Variants in ANO3 observed in about 807,000 individuals in gnomAD.
ANO3 encodes the protein anoctamin 3.
Under a neutral mutation model 144.8 loss-of-function variants are expected in ANO3, and 99 were observed. The ratio of observed to expected loss-of-function variants is 0.68; its 90% CI spans 0.58 to 0.81. The LOEUF is 0.81. Among genes scored for constraint, ANO3 ranks in the 30% least tolerant of loss-of-function variants. The probability of loss-of-function intolerance (pLI) is 0.00; values close to 1 mark genes in which losing one functional copy is unlikely to be tolerated. For synonymous variants in ANO3, 414 were observed against 392.6 expected (o/e 1.05, Z -0.64); for missense variants, 905 against 1,202.2 (o/e 0.75, Z 3.66).
intron 18 of ANO3, among the ~76,000 whole-genome samples, chr11:26,629,752 C>T (rs924931620): frequency 6.6e-6 from 1 of 152,166 alleles, no homozygotes; most frequent in Non-Finnish European, 1.5e-5. Flanking sequence ...TTGCCTCAGC[C>T]TCCCGAGTAG....
intron 14 of ANO3, among the ~76,000 whole-genome samples, chr11:26,583,784 T>C (rs12295638): frequency 0.11 from 16,195 of 152,158 alleles, 1,038 homozygotes; most frequent in East Asian, 0.34. Flanking sequence ...AAAATAAACC[T>C]GGGGAATGGA....
At chr11:26,367,597 G>T (rs1005452453) in intron 1 of ANO3, among the ~76,000 whole-genome samples, 1 of 151,982 alleles carries the variant, frequency 6.6e-6, no homozygotes, top group Non-Finnish European at 1.5e-5. Context: ...TTATATTAAT[G>T]CCCAACTCCT....
chr11:26,537,866 T>C (rs1348083799), intron 10 of ANO3, among the ~76,000 whole-genome samples: 1 of 152,194 alleles, frequency 6.6e-6, no homozygotes, highest in Non-Finnish European at 1.5e-5. Flanking sequence ...TCCTCAATTA[T>C]TTGTCAGATT....
At chr11:26,217,950 A>G (rs1387649810) in intron 1 of ANO3, among the ~76,000 whole-genome samples, 1 of 152,048 alleles carries the variant, frequency 6.6e-6, no homozygotes, top group Non-Finnish European at 1.5e-5. Flanking sequence ...TGCTTTGTGG[A>G]TATTGTGATA....
intron 21 of ANO3, 119 bp downstream of exon 21, chr11:26,639,360 T>C: frequency 2.9e-6 from 2 of 690,186 alleles, no homozygotes; most frequent in Non-Finnish European, 5.1e-6. Flanking sequence ...GCTCAATTCC[T>C]GTTCTGCTCC....
In ANO3 at chr11:26,399,819, T is replaced by A. The variant is rs189344871; in HGVS notation, c.47-42099T>A. Among the ~76,000 whole-genome samples the A allele has an allele frequency of 6.5e-3, 993 of 152,072 alleles. 7 individuals are homozygous for A. Among genetic ancestry groups the A allele is most frequent in the African/African-American group, 0.019 (789 of 41,524 alleles). On this transcript the variant is annotated intron_variant, in intron 1 of 26. Coordinates refer to ENST00000256737, the MANE Select transcript of ANO3 (RefSeq NM_031418.4). The stretch of plus-strand genomic sequence containing the variant: ...TCCTCTTACCACGCTAGAAAGTAAG[T>A]CTTTCTCCCTGCCCTTTGTTTGTTT...
At chr11:26,354,357 A>C (rs533363792) in intron 1 of ANO3, among the ~76,000 whole-genome samples, 2 of 152,354 alleles carry the variant, frequency 1.3e-5, no homozygotes, top group East Asian at 3.9e-4. Flanking sequence ...GTGATGAATA[A>C]ATTCAGGACA....
rs142930013 is a variant in ANO3 at position 26,243,980 on chromosome 11, T to A, written c.154+54650T>A. 6.9e-4 allele frequency among the ~76,000 whole-genome samples: 104 copies of A among 151,760 alleles called. 1 individual carries two copies. The highest frequency in any genetic ancestry group is 2.3e-3 in the African/African-American group (95 of 41,378). ...TAAAAATACAAAAATTAGCTGGATA[T>A]GGTGGAGGTGTCTGTAGTCCCAGCT... On this transcript the variant is annotated intron_variant, in intron 1 of 27. Coordinates refer to the ANO3 transcript ENST00000672621.
At chr11:26,309,623 T>C in exon 1 of ANO3, 1 of 982,762 alleles carries the variant, frequency 1.0e-6, no homozygotes, top group Non-Finnish European at 1.2e-6. Context: ...TTTTTATTTT[T>C]CTCTTTTGTT....
intron 1 of ANO3, among the ~76,000 whole-genome samples, chr11:26,302,702 A>G (rs1854264704): frequency 6.6e-6 from 1 of 152,222 alleles, no homozygotes; most frequent in South Asian, 2.1e-4. Context: ...AACATGCCTT[A>G]TATCTTATTA....
intron 4 of ANO3, among the ~76,000 whole-genome samples, chr11:26,497,687 CTTGT>C (rs1477464042): frequency 2.0e-5 from 3 of 151,906 alleles, no homozygotes; most frequent in African/African-American, 4.8e-5. Flanking sequence ...AATGAAAACT[CTTGT>C]TTGTTTTGTT....
At chr11:26,445,421 A>G (rs561332103) in intron 3 of ANO3, among the ~76,000 whole-genome samples, 2 of 152,248 alleles carry the variant, frequency 1.3e-5, no homozygotes, top group Non-Finnish European at 2.9e-5. Flanking sequence ...TTTATTTTTG[A>G]TGGCTTGCCA....
chr11:26,652,714 A>G (rs1853571279), intron 24 of ANO3, among the ~76,000 whole-genome samples: 1 of 152,108 alleles, frequency 6.6e-6, no homozygotes. Flanking sequence ...CCCATTTATA[A>G]CAGAAACTAC....
rs147015557 is a variant in ANO3 at position 26,353,274 on chromosome 11, C to G, written c.46+20953C>G. 1.0e-3 allele frequency among the ~76,000 whole-genome samples: 155 copies of G among 152,260 alleles called. 1 individual carries two copies. The highest frequency in any genetic ancestry group is 1.8e-3 in the Non-Finnish European group (120 of 68,026). The stretch of plus-strand genomic sequence containing the variant: ...TATGTTGATGAGTGTATAATGACAT[C>G]CTAGGTGAAACCTAGGTCAAATCCA... On this transcript the variant is annotated intron_variant, in intron 1 of 26. Coordinates refer to ENST00000256737, the MANE Select transcript of ANO3 (RefSeq NM_031418.4).
At chr11:26,271,044 G>A (rs564448994) in intron 1 of ANO3, among the ~76,000 whole-genome samples, 1 of 152,282 alleles carries the variant, frequency 6.6e-6, no homozygotes, top group Non-Finnish European at 1.5e-5. Flanking sequence ...AGTTGGACAG[G>A]GACCAGATCT....
intron 1 of ANO3, among the ~76,000 whole-genome samples, chr11:26,192,668 G>T (rs1030748273): frequency 1.1e-4 from 16 of 152,154 alleles, no homozygotes; most frequent in African/African-American, 1.2e-4. Flanking sequence ...AAAGCTCAAA[G>T]AAGTAATGTA....
intron 1 of ANO3, among the ~76,000 whole-genome samples, chr11:26,290,689 G>C (rs1470166255): frequency 2.0e-5 from 3 of 152,170 alleles, no homozygotes; most frequent in Non-Finnish European, 2.9e-5. Flanking sequence ...TTCAGGAGCA[G>C]GTTGTTCAGT....
At chr11:26,193,303 G>T (rs1006995821) in intron 1 of ANO3, among the ~76,000 whole-genome samples, 3 of 151,874 alleles carry the variant, frequency 2.0e-5, no homozygotes, top group Admixed American at 2.0e-4. Flanking sequence ...CACCACGCCC[G>T]GCTAATTTTT....
chr11:26,473,037 T>C (rs2134073963), intron 4 of ANO3, among the ~76,000 whole-genome samples: 1 of 152,138 alleles, frequency 6.6e-6, no homozygotes, highest in Non-Finnish European at 1.5e-5. Flanking sequence ...TTTGCTTTCA[T>C]TAATCCCTTC....
Sources: allele counts gnomAD v4.1 joint callset (sites outside exome capture counted in the v4.1 genomes callset), GRCh38; gene constraint gnomAD v4.1.1; transcripts MANE v1.5; gene names NCBI Gene and HGNC (gene_info 2026-07-23, HGNC 2026-07-21).